The following SREK1 variants were observed in gnomAD, a reference collection of about 807,000 sequenced individuals.
SREK1 encodes the protein splicing regulatory glutamine/lysine-rich protein 1.
SREK1 carries 13 observed loss-of-function variants against 66.5 expected under a neutral mutation model. The ratio of observed to expected loss-of-function variants is 0.20; its 90% CI spans 0.13 to 0.31. The LOEUF (loss-of-function observed/expected upper bound fraction) is 0.31. SREK1 is among the 10% of genes least tolerant of loss of function. The probability of loss-of-function intolerance (pLI) is 1.00; values close to 1 mark genes in which losing one functional copy is unlikely to be tolerated. For synonymous variants in SREK1, 265 were observed against 263.5 expected (o/e 1.01, Z -0.05); for missense variants, 607 against 769.6 (o/e 0.79, Z 2.50).
In SREK1 at chr5:66,179,572, T is replaced by G. The variant is rs1746344218; in HGVS notation, c.*704T>G. On this transcript the variant is annotated 3_prime_UTR_variant, in exon 12 of 12. Transcript: ENST00000334121. The stretch of plus-strand genomic sequence containing the variant: ...AATACTAATAATGATGAATTAGTAT[T>G]CAGTGTTTAGAATCATTGGGACTAC... 6.6e-6 allele frequency: 1 copy of G among 152,580 alleles called. No individual in the cohort carries two copies. The highest frequency in any genetic ancestry group is 1.5e-5 in the Non-Finnish European group (1 of 67,984). 9.5% of individuals were successfully genotyped at this position (152,580 alleles called of 1,614,324 possible). A position where few individuals can be genotyped will look rare whatever the true frequency, so the allele number is the denominator to read the frequency against.
chr5:66,171,998 G>T (rs2112085016), intron 9 of SREK1, among the ~76,000 whole-genome samples: 1 of 152,314 alleles, frequency 6.6e-6, no homozygotes, highest in East Asian at 1.9e-4. Context: ...GAATTCTCTA[G>T]TACTTGTACT....
intron 1 of SREK1, among the ~76,000 whole-genome samples, chr5:66,153,177 A>T (rs1304867393): frequency 6.6e-6 from 1 of 152,066 alleles, no homozygotes; most frequent in African/African-American, 2.4e-5. Context: ...TTTTTGGGTT[A>T]AATTAGCTTT....
intron 6 of SREK1, 40 bp downstream of exon 6, chr5:66,163,962 A>C (rs1037012848): frequency 3.8e-6 from 6 of 1,588,690 alleles, no homozygotes; most frequent in Non-Finnish European, 5.2e-6. Flanking sequence ...TAGTTTAAAG[A>C]TCATAGACTC....
chr5:66,171,084 A>G (rs1441111425), intron 9 of SREK1, 137 bp downstream of exon 9: 1 of 1,078,476 alleles, frequency 9.3e-7, no homozygotes, highest in Non-Finnish European at 1.3e-6. Context: ...TCCTAATTTC[A>G]GAGTAAACAT....
chr5:66,158,814 C>G, intron 2 of SREK1: 1 of 1,289,790 alleles, frequency 7.8e-7, no homozygotes, highest in Non-Finnish European at 1.0e-6. Flanking sequence ...ATTAGTGATG[C>G]AGCCAACACG....
In SREK1 at chr5:66,181,532, A is replaced by G. The variant is rs1160805292; in HGVS notation, c.*2664A>G. The G allele has an allele frequency of 6.6e-6, 1 of 152,154 alleles. No homozygotes were observed. The highest frequency in any genetic ancestry group is 1.5e-5 in the Non-Finnish European group (1 of 68,028). 9.4% of individuals were successfully genotyped at this position (152,154 alleles called of 1,614,324 possible). Reference sequence around the variant, plus strand: ...TTCTGTAATTATCTTTTGTAGCTTGATTACATAGAGTACCCTCTCTTCCTT... The same window carrying G: ...TTCTGTAATTATCTTTTGTAGCTTGGTTACATAGAGTACCCTCTCTTCCTT... On this transcript the variant is annotated 3_prime_UTR_variant, in exon 12 of 12. Transcript: ENST00000334121.
chr5:66,145,204 C>A (rs1056324568), intron 1 of SREK1: 18 of 974,016 alleles, frequency 1.8e-5, no homozygotes, highest in Non-Finnish European at 2.2e-5. Context: ...GCAGGGTTAT[C>A]CCTCCCGTAT....
intron 1 of SREK1, among the ~76,000 whole-genome samples, chr5:66,151,834 CT>C (rs60920757): frequency 2.4e-3 from 207 of 84,782 alleles, no homozygotes; most frequent in Non-Finnish European, 3.9e-3. Context: ...GAGGTACATC[CT>C]TTTTTTTTTT....
chr5:66,177,322 A>G (rs1370154224), intron 10 of SREK1, 192 bp from the exon 11 acceptor site: 3 of 445,584 alleles, frequency 6.7e-6, no homozygotes, highest in African/African-American at 2.0e-5. Flanking sequence ...TCCTTAAGAA[A>G]CTAACTGGGG....
chr5:66,165,059 T>G (rs1466199408), intron 7 of SREK1, 162 bp downstream of exon 7: 1 of 577,686 alleles, frequency 1.7e-6, no homozygotes, highest in African/African-American at 1.9e-5. Context: ...ATACTGTAGT[T>G]GAGAATGAAA....
intron 2 of SREK1, 67 bp downstream of exon 2, chr5:66,153,663 C>T: frequency 6.2e-7 from 1 of 1,600,960 alleles, no homozygotes; most frequent in Non-Finnish European, 8.5e-7. Flanking sequence ...TTTAGCTTTC[C>T]TAGAGATTGG....
At chr5:66,164,486 G>A in intron 6 of SREK1, 1 of 994,598 alleles carries the variant, frequency 1.0e-6, no homozygotes, top group East Asian at 4.5e-5. Context: ...CAGAATAAGT[G>A]GAGAAAGGAC....
rs1746496899 is a variant in SREK1, at chr5:66,181,663, A to G, written c.*2795A>G. On this transcript the variant is annotated 3_prime_UTR_variant, in exon 12 of 12. Transcript: ENST00000334121. ...TGCATCAGTTCATAAGCTAGTGCAT[A>G]AGTTTTGTGTCAAAACTTTTAAATC... is the stretch of plus-strand genomic sequence containing the variant. 1 of 152,186 alleles carries G rather than the reference A, an allele frequency of 6.6e-6. No homozygotes were observed. The highest frequency in any genetic ancestry group is 2.4e-5 in the African/African-American group (1 of 41,454). The allele number at this position is 152,186 out of a possible 1,614,324, so 9.4% of individuals were successfully genotyped here. A position where few individuals can be genotyped will look rare whatever the true frequency, so the allele number is the denominator to read the frequency against.
At chr5:66,146,503 G>A (rs1470905183) in intron 1 of SREK1, among the ~76,000 whole-genome samples, 1 of 152,086 alleles carries the variant, frequency 6.6e-6, no homozygotes, top group African/African-American at 2.4e-5. Context: ...TTACGGTAGT[G>A]TATTTCACAA....
In SREK1 at chr5:66,181,791, A is replaced by G. The variant is rs1054858349; in HGVS notation, c.*2923A>G. The G allele has an allele frequency of 8.0e-5, 12 of 150,798 alleles. No individual in the cohort carries two copies. Among genetic ancestry groups the G allele is most frequent in the African/African-American group, 2.4e-5 (1 of 41,078 alleles). 9.3% of individuals were successfully genotyped at this position (150,798 alleles called of 1,614,324 possible). Reference sequence around the variant, plus strand: ...CTCTGTGTTTCAAGTTCTTTTCTTCACGAGGTTCAGTACCTGCTATGTTGA... The same window carrying G: ...CTCTGTGTTTCAAGTTCTTTTCTTCGCGAGGTTCAGTACCTGCTATGTTGA... On this transcript the variant is annotated 3_prime_UTR_variant, in exon 12 of 12. Transcript: ENST00000334121.
Position 66,170,126 on chromosome 5 carries a change from T to G in SREK1, c.1077T>G (p.Ser359=), listed in dbSNP as rs769752924. 1.2e-6 allele frequency: 2 copies of G among 1,613,182 alleles called. No homozygotes were observed. The highest frequency in any genetic ancestry group is 8.5e-7 in the Non-Finnish European group (1 of 1,179,488). Residue 359 remains serine (S), a synonymous_variant, in exon 8 of 12, where the codon TCT becomes TCG. Coordinates refer to ENST00000334121, the MANE Select transcript of SREK1 (RefSeq NM_001077199.3). The part of the protein sequence containing the change: ...RRSKSPHKKR[S]KSRERRKSRS... The stretch of plus-strand genomic sequence containing the variant: ...CTAAGAGCCCACATAAAAAACGCTC[T>G]AAATCAAGGGAGAGACGGAAGTCAA...
At chr5:66,164,305 G>C (rs1744996419) in intron 6 of SREK1, 1 of 266,678 alleles carries the variant, frequency 3.7e-6, no homozygotes, top group African/African-American at 2.3e-5. Flanking sequence ...GAGAGCCCGT[G>C]ATTTAGAAAA....
intron 5 of SREK1, 135 bp from the exon 6 acceptor site, chr5:66,163,657 T>G: frequency 1.2e-6 from 1 of 825,536 alleles, no homozygotes; most frequent in Admixed American, 3.4e-5. Context: ...AGGTTGCTTT[T>G]GGTTATTCTG....
At chr5:66,150,909 C>T (rs996965105) in intron 1 of SREK1, among the ~76,000 whole-genome samples, 18 of 151,450 alleles carry the variant, frequency 1.2e-4, no homozygotes, top group Middle Eastern at 3.4e-3. Context: ...GGTGTGATCT[C>T]GGCTCACTGC....
Sources: allele counts gnomAD v4.1 joint callset (sites outside exome capture counted in the v4.1 genomes callset), GRCh38; gene constraint gnomAD v4.1.1; transcripts MANE v1.5; gene names NCBI Gene and HGNC (gene_info 2026-07-23, HGNC 2026-07-21).